The following CCSER1 variants were observed in gnomAD, a reference collection of about 807,000 sequenced individuals.
The protein encoded by CCSER1 is coiled-coil serine rich protein 1.
A neutral mutation model predicts 82.0 loss-of-function variants in CCSER1; 41 were observed. That is an observed-to-expected ratio of 0.50 (90% CI 0.39 to 0.65). The LOEUF is 0.65. Ranked by LOEUF, CCSER1 falls within the 30% of genes least tolerant of loss-of-function variation. CCSER1 has a pLI of 0.00. For missense variants in CCSER1, 1,119 were observed against 1,064.2 expected (o/e 1.05, Z -0.72); for synonymous variants, 414 against 383.9 (o/e 1.08, Z -0.92).
At chr4:90,921,073 G>A (rs540698702) in intron 8 of CCSER1, among the ~76,000 whole-genome samples, 1 of 151,602 alleles carries the variant, frequency 6.6e-6, no homozygotes, top group East Asian at 1.9e-4. Flanking sequence ...TCTAGTAATA[G>A]CTACTTTTGT....
At chr4:90,305,354 C>T (rs1734071348) in intron 1 of CCSER1, among the ~76,000 whole-genome samples, 1 of 152,162 alleles carries the variant, frequency 6.6e-6, no homozygotes, top group Non-Finnish European at 1.5e-5. Flanking sequence ...TGTAGGTTCA[C>T]AACCAGCTGC....
intron 5 of CCSER1, among the ~76,000 whole-genome samples, chr4:90,559,249 T>C (rs1241439678): frequency 6.6e-6 from 1 of 152,198 alleles, no homozygotes; most frequent in Admixed American, 6.5e-5. Context: ...CCTACTTTTT[T>C]TATAGGTTCT....
chr4:91,130,744 A>G (rs1347244270), intron 10 of CCSER1, among the ~76,000 whole-genome samples: 1 of 151,878 alleles, frequency 6.6e-6, no homozygotes, highest in East Asian at 1.9e-4. Context: ...GAGAGAAGTA[A>G]TTACCAACTG....
chr4:90,327,074 T>A (rs573536065), intron 3 of CCSER1, among the ~76,000 whole-genome samples: 1 of 152,280 alleles, frequency 6.6e-6, no homozygotes, highest in East Asian at 1.9e-4. Flanking sequence ...AAGTCTGTCA[T>A]TAGTATGTTT....
At chr4:90,349,205 G>A (rs1742977201) in intron 3 of CCSER1, among the ~76,000 whole-genome samples, 1 of 152,042 alleles carries the variant, frequency 6.6e-6, no homozygotes, top group African/African-American at 2.4e-5. Flanking sequence ...CACTTATTTA[G>A]TAGGCATGAA....
At chr4:90,189,635 T>C (rs1319305390) in intron 1 of CCSER1, among the ~76,000 whole-genome samples, 1 of 151,954 alleles carries the variant, frequency 6.6e-6, no homozygotes, top group Non-Finnish European at 1.5e-5. Flanking sequence ...TATCCTGTTA[T>C]ATCCTGCAGA....
In CCSER1 at chr4:90,468,342, A is replaced by C. The variant is rs1476798089; in HGVS notation, c.1712A>C (p.Glu571Ala). Residue 571 changes from glutamate to alanine, a missense_variant, in exon 5 of 11, where the codon GAG (glutamate) becomes GCG (alanine). Physicochemically the swap from Glu to Ala is moderately radical, Grantham distance 107 (BLOSUM62 -1). Coordinates refer to ENST00000509176, the MANE Select transcript of CCSER1 (RefSeq NM_001145065.2). ...AAAAGAGAAGAACCAGAATTTCCTGAGCCTTCCAAACAGTGAGTTGTTCAT... is the reference window on the plus strand; with the variant it reads ...AAAAGAGAAGAACCAGAATTTCCTGCGCCTTCCAAACAGTGAGTTGTTCAT... Reference protein sequence around the residue: ...MKKREEPEFPEPSKQNLSLKL... With the variant: ...MKKREEPEFPAPSKQNLSLKL... 1.2e-6 allele frequency: 2 copies of C among 1,604,260 alleles called. No individual in the cohort carries two copies. The highest frequency in any genetic ancestry group is 1.7e-6 in the Non-Finnish European group (2 of 1,174,172).
intron 9 of CCSER1, among the ~76,000 whole-genome samples, chr4:90,997,380 A>C (rs1040184463): frequency 1.3e-5 from 2 of 152,076 alleles, no homozygotes; most frequent in African/African-American, 4.8e-5. Flanking sequence ...CCGTTCTGTT[A>C]TAAGTATTCT....
rs192560153 is a variant in CCSER1, at chr4:91,536,233, A to C, written c.2218-62339A>C. 5.6e-4 allele frequency among the ~76,000 whole-genome samples: 85 copies of C among 152,248 alleles called. 1 individual carries two copies. Among genetic ancestry groups the C allele is most frequent in the Admixed American group, 1.7e-3 (26 of 15,248 alleles). On this transcript the variant is annotated intron_variant, in intron 10 of 10. Coordinates refer to ENST00000509176, the MANE Select transcript of CCSER1 (RefSeq NM_001145065.2). ...TAACACAAAACTTTAATATTTGCCTAAGCAAACTTTATGGCAACTTTTGAA... is the reference window on the plus strand; with the variant it reads ...TAACACAAAACTTTAATATTTGCCTCAGCAAACTTTATGGCAACTTTTGAA...
rs1468600054 is a variant in CCSER1 at position 91,490,532 on chromosome 4, C to T, written c.2218-108040C>T. ...ACGTGTTATCATTCATTTGTGGGAG[C>T]TAAAAATTAAAATAATTGAACTCAT... On this transcript the variant is annotated intron_variant, in intron 10 of 10. Transcript: ENST00000509176. Among the ~76,000 whole-genome samples, 3 of 151,388 alleles carry T rather than the reference C, an allele frequency of 2.0e-5. No homozygotes were observed. The East Asian group carries it at 5.9e-4, about 30-fold the overall frequency.
intron 9 of CCSER1, among the ~76,000 whole-genome samples, chr4:90,971,687 A>C (rs1314840981): frequency 6.6e-6 from 1 of 151,994 alleles, no homozygotes; most frequent in African/African-American, 2.4e-5. Flanking sequence ...CCTGAATATC[A>C]AACCTTACAA....
intron 5 of CCSER1, among the ~76,000 whole-genome samples, chr4:90,607,307 C>T (rs1784856455): frequency 1.3e-5 from 2 of 152,022 alleles, no homozygotes; most frequent in African/African-American, 4.8e-5. Context: ...GTTCTCATTC[C>T]TGAACACACT....
Position 90,395,898 on chromosome 4 carries a change from C to T in CCSER1, c.1510-4138C>T, listed in dbSNP as rs953398991. 2.1e-4 allele frequency among the ~76,000 whole-genome samples: 31 copies of T among 148,776 alleles called. 1 individual carries two copies. Among genetic ancestry groups the T allele is most frequent in the Non-Finnish European group, 1.2e-4 (8 of 67,526 alleles). On this transcript the variant is annotated intron_variant, in intron 3 of 10. Transcript: ENST00000509176. ...CAGCCTGGCCAACATGGTGAAACCC[C>T]GTCTCTACTAAAAATACAAAAAAAA...
chr4:91,380,169 A>G (rs182093391), intron 10 of CCSER1, among the ~76,000 whole-genome samples: 71 of 152,266 alleles, frequency 4.7e-4, no homozygotes, highest in Admixed American at 1.2e-3. Context: ...ACTTCCAACT[A>G]TGTGGTCAAT....
chr4:91,089,091 C>T (rs2148822556), intron 10 of CCSER1, among the ~76,000 whole-genome samples: 1 of 152,236 alleles, frequency 6.6e-6, no homozygotes, highest in Admixed American at 6.5e-5. Context: ...AGACTAGCAT[C>T]CTAAAATCCG....
chr4:90,942,485 A>G (rs899903860), intron 9 of CCSER1, among the ~76,000 whole-genome samples: 3 of 152,102 alleles, frequency 2.0e-5, no homozygotes, highest in Non-Finnish European at 4.4e-5. Flanking sequence ...GTATGGGGAT[A>G]CACATACAAG....
chr4:91,325,511 G>A (rs1746497587), intron 10 of CCSER1, among the ~76,000 whole-genome samples: 1 of 152,130 alleles, frequency 6.6e-6, no homozygotes, highest in Admixed American at 6.5e-5. Flanking sequence ...GCTGCCAAGG[G>A]AATAATTAGA....
intron 8 of CCSER1, among the ~76,000 whole-genome samples, chr4:90,823,481 TA>T (rs1760035039): frequency 6.6e-6 from 1 of 152,132 alleles, no homozygotes; most frequent in Admixed American, 6.5e-5. Flanking sequence ...AGGTGCTACT[TA>T]TTAATGTATT....
At chr4:91,064,307 A>G (rs1208035028) in intron 9 of CCSER1, among the ~76,000 whole-genome samples, 1 of 152,156 alleles carries the variant, frequency 6.6e-6, no homozygotes, top group Non-Finnish European at 1.5e-5. Flanking sequence ...CCTGGTGGAG[A>G]GGGCCTCTGA....
Sources: allele counts gnomAD v4.1 joint callset (sites outside exome capture counted in the v4.1 genomes callset), GRCh38; gene constraint gnomAD v4.1.1; transcripts MANE v1.5; gene names NCBI Gene and HGNC (gene_info 2026-07-23, HGNC 2026-07-21).